CHFR: variants seen among roughly 807,000 people sequenced by gnomAD.
CHFR encodes E3 ubiquitin-protein ligase CHFR.
A neutral mutation model predicts 87.6 loss-of-function variants in CHFR; 57 were observed. The observed-to-expected ratio is 0.65, with a 90% CI of 0.53 to 0.81. The LOEUF is 0.81. Among genes scored for constraint, CHFR ranks in the 30% least tolerant of loss-of-function variants. The pLI is 0.00. For synonymous variants in CHFR, 381 were observed against 359.2 expected (o/e 1.06, Z -0.69); for missense variants, 797 against 865.8 (o/e 0.92, Z 1.00).
At chr12:132,858,066 G>C (rs568772747) in intron 8 of CHFR, among the ~76,000 whole-genome samples, 4 of 152,322 alleles carry the variant, frequency 2.6e-5, no homozygotes, top group East Asian at 3.9e-4. Context: ...CGAGTAGAAT[G>C]AAAGTGGTAG....
At chr12:132,871,497 TGCAGTG>T (rs1951488146) in intron 4 of CHFR, among the ~76,000 whole-genome samples, 2 of 151,938 alleles carry the variant, frequency 1.3e-5, no homozygotes, top group Admixed American at 6.6e-5. Context: ...ATTGGCCAGG[TGCAGTG>T]GCTCATGCCT....
At position 132,881,831 on chromosome 12, in the gene CHFR, G is replaced by A. The variant is rs562641831; in HGVS notation, c.134-4177C>T. The stretch of plus-strand genomic sequence containing the variant: ...TGCAGTGAGCTGAGATTGCGCCACT[G>A]CAAATCCAGCCTGGCGACAGGGCAA... On this transcript the variant is annotated intron_variant, in intron 2 of 17. Transcript: ENST00000450056. 4.9e-5 allele frequency among the ~76,000 whole-genome samples: 7 copies of A among 144,032 alleles called. No homozygotes were observed. In the East Asian group the frequency reaches 1.4e-3, roughly 29 times the overall value. 94.5% of individuals were successfully genotyped at this position (144,032 alleles called of 152,430 possible). A position where few individuals can be genotyped will look rare whatever the true frequency, so the allele number is the denominator to read the frequency against.
chr12:132,869,794 G>GGTA lies in CHFR; in HGVS notation c.405_407dup (p.Thr136dup). The stretch of plus-strand genomic sequence containing the variant: ...CCCCTCGCCCTGCACCTGCACCTGA[G>GGTA]GTATCTTTGGTCCCATGGAACACAT... On this transcript the variant is annotated inframe_insertion, in exon 6 of 18. Transcript: ENST00000450056. 1 of 1,551,348 alleles carries GGTA rather than the reference G, an allele frequency of 6.4e-7. No homozygotes were observed. The highest frequency in any genetic ancestry group is 1.2e-5 in the South Asian group (1 of 84,060).
rs1366764467 is a variant in CHFR at position 132,834,631 on chromosome 12, C to T, written c.*6923G>A. 6.6e-6 allele frequency: 1 copy of T among 152,204 alleles called. No individual in the cohort carries two copies. The highest frequency in any genetic ancestry group is 2.4e-5 in the African/African-American group (1 of 41,396). The allele number at this position is 152,204 out of a possible 1,614,324, so 9.4% of individuals were successfully genotyped here. Reference sequence around the variant, plus strand: ...TGCCCTCCTCTCCTGGCTGGAGGCCCTTGCTCCCTCTGCAAAGCACATCCC... The same window carrying T: ...TGCCCTCCTCTCCTGGCTGGAGGCCTTTGCTCCCTCTGCAAAGCACATCCC... On this transcript the variant is annotated 3_prime_UTR_variant, in exon 18 of 18. Transcript: ENST00000450056.
At chr12:132,856,776 G>C (rs1951079799) in intron 9 of CHFR, 146 bp from the exon 10 acceptor site, 1 of 924,946 alleles carries the variant, frequency 1.1e-6, no homozygotes, top group Non-Finnish European at 1.8e-6. Flanking sequence ...GCTGGTGGAG[G>C]GACTGCCCTC....
At chr12:132,844,917 G>C (rs1302840468) in intron 15 of CHFR, among the ~76,000 whole-genome samples, 1 of 152,184 alleles carries the variant, frequency 6.6e-6, no homozygotes, top group Non-Finnish European at 1.5e-5. Context: ...ACAGGCGTGA[G>C]CCTCCACGCC....
At chr12:132,863,609 T>C (rs922860415) in intron 6 of CHFR, among the ~76,000 whole-genome samples, 1 of 152,092 alleles carries the variant, frequency 6.6e-6, no homozygotes, top group Non-Finnish European at 1.5e-5. Flanking sequence ...CGGGTGGAGA[T>C]GGTGCTGCGT....
chr12:132,843,082 C>CA lies in CHFR; in HGVS notation c.1844dup (p.Ala616GlyfsTer7). ...AGCAGTCAGGACGGGATGTTACGGC[C>CA]ACTGGAAAAAGAGAAGGGGTACGCA... On this transcript the variant is annotated frameshift_variant and splice_region_variant, in exon 17 of 18. Transcript: ENST00000450056. LOFTEE classifies it high-confidence loss of function. 1 of 1,612,752 alleles carries CA rather than the reference C, an allele frequency of 6.2e-7. No individual in the cohort carries two copies. The highest frequency in any genetic ancestry group is 1.6e-4 in the Middle Eastern group (1 of 6,062).
chr12:132,847,118 T>A lies in CHFR; in HGVS notation c.1660A>T (p.Thr554Ser). ...ATGTTTTTCCATGTCAAACCTCTGG[T>A]TGCCAGGTAATTCTGTGACGCAAAA... ...ESDILKNYLA[T>S]RGLTWKNMLT... Residue 554 changes from threonine to serine, a missense_variant, in exon 15 of 18, where the codon ACC becomes TCC. Thr to Ser is a moderately conservative substitution (Grantham distance 58). Around this residue, in one of 2 missense-constraint regions of CHFR, gnomAD observed 200 missense variants for 264.6 expected, o/e 0.76. Transcript: ENST00000450056. 6.2e-7 allele frequency: 1 copy of A among 1,613,708 alleles called. No homozygotes were observed. The highest frequency in any genetic ancestry group is 2.2e-5 in the East Asian group (1 of 44,852).
At chr12:132,884,647 G>C (rs1200054185) in intron 2 of CHFR, among the ~76,000 whole-genome samples, 1 of 152,132 alleles carries the variant, frequency 6.6e-6, no homozygotes, top group African/African-American at 2.4e-5. Flanking sequence ...CCTCTTAAGA[G>C]GAGGCAGAGA....
chr12:132,881,446 C>T (rs1358970135), intron 2 of CHFR, among the ~76,000 whole-genome samples: 2 of 152,100 alleles, frequency 1.3e-5, no homozygotes, highest in Non-Finnish European at 2.9e-5. Flanking sequence ...AATTTAAACA[C>T]TTTATCAAAG....
At position 132,838,593 on chromosome 12, in the gene CHFR, G is replaced by A. The variant is rs1381226158; in HGVS notation, c.*2961C>T. On this transcript the variant is annotated 3_prime_UTR_variant, in exon 18 of 18. Coordinates refer to ENST00000450056, the MANE Select transcript of CHFR (RefSeq NM_001161346.2). Reference sequence around the variant, plus strand: ...CAGCGGGCAGCTGCAGCCCTGCCCTGGGTTTGTCCCAAGGCTGGGCCAAGG... The same window carrying A: ...CAGCGGGCAGCTGCAGCCCTGCCCTAGGTTTGTCCCAAGGCTGGGCCAAGG... 2 of 152,532 alleles carry A rather than the reference G, an allele frequency of 1.3e-5. No homozygotes were observed. The highest frequency in any genetic ancestry group is 1.9e-4 in the East Asian group (1 of 5,194). 9.4% of individuals were successfully genotyped at this position (152,532 alleles called of 1,614,324 possible). A position where few individuals can be genotyped will look rare whatever the true frequency, so the allele number is the denominator to read the frequency against.
intron 10 of CHFR, 155 bp from the exon 11 acceptor site, chr12:132,853,728 C>CCAGT: frequency 2.3e-6 from 2 of 851,786 alleles, no homozygotes; most frequent in Non-Finnish European, 3.4e-6. Flanking sequence ...GTCCAGCACC[C>CCAGT]CAGTGTTAGA....
At chr12:132,877,221 T>C (rs1566202879) in intron 3 of CHFR, among the ~76,000 whole-genome samples, 2 of 152,214 alleles carry the variant, frequency 1.3e-5, no homozygotes, top group African/African-American at 4.8e-5. Flanking sequence ...CAACTGCCTA[T>C]AGCATTCAGT....
intron 6 of CHFR, among the ~76,000 whole-genome samples, chr12:132,868,408 G>A (rs1951399701): frequency 6.6e-6 from 1 of 152,078 alleles, no homozygotes; most frequent in South Asian, 2.1e-4. Context: ...AAAATGGCGT[G>A]GACCCAGGAG....
At position 132,882,603 on chromosome 12, in the gene CHFR, C is replaced by G. The variant is rs149735645; in HGVS notation, c.133+4593G>C. Among the ~76,000 whole-genome samples the G allele has an allele frequency of 6.7e-3, 1,018 of 151,976 alleles. 6 individuals carry two copies. Among genetic ancestry groups the G allele is most frequent in the Non-Finnish European group, 0.011 (780 of 67,992 alleles). On this transcript the variant is annotated intron_variant, in intron 2 of 17. Transcript: ENST00000450056. ...GTCAAGCTCTTCCCATTCCATTGAG[C>G]GTTAACTGCCAGGACAGTCTCCTTC... is the stretch of plus-strand genomic sequence containing the variant.
chr12:132,847,788 G>A (rs1409563966), intron 14 of CHFR: 6 of 1,277,598 alleles, frequency 4.7e-6, no homozygotes, highest in East Asian at 3.8e-5. Context: ...AGCCCTCACC[G>A]AGAGCTGTGG....
chr12:132,878,858 G>C (rs927068701), intron 2 of CHFR, among the ~76,000 whole-genome samples: 3 of 149,978 alleles, frequency 2.0e-5, no homozygotes, highest in African/African-American at 7.3e-5. Flanking sequence ...AGGGGCTTAA[G>C]TAATTCTTCA....
intron 6 of CHFR, among the ~76,000 whole-genome samples, chr12:132,864,221 A>G (rs1181385358): frequency 6.6e-6 from 1 of 151,774 alleles, no homozygotes; most frequent in Non-Finnish European, 1.5e-5. Context: ...CTGAAAGAAA[A>G]CAGAATAGTT....
Sources: allele counts gnomAD v4.1 joint callset (sites outside exome capture counted in the v4.1 genomes callset), GRCh38; gene constraint gnomAD v4.1.1; regional missense constraint gnomAD v4.1.1; transcripts MANE v1.5; gene names NCBI Gene and HGNC (gene_info 2026-07-23, HGNC 2026-07-21).